The following ZNF469 variants were observed in gnomAD, a reference collection of about 807,000 sequenced individuals.
ZNF469 encodes the protein zinc finger protein 469.
Under a neutral mutation model 1.0 loss-of-function variants are expected in ZNF469, and 1 was observed. That is an observed-to-expected ratio of 1.00 (90% CI 0.35 to 4.73). The LOEUF is 4.73. Among genes scored for constraint, ZNF469 ranks in the 30% most tolerant of loss-of-function variants. ZNF469 has a pLI of 0.16. For missense variants in ZNF469, 6,100 were observed against 5,356.3 expected (o/e 1.14, Z -4.33); for synonymous variants, 2,703 against 2,363.4 (o/e 1.14, Z -4.17).
the ZNF469 span, among the ~76,000 whole-genome samples, chr16:88,334,147 G>A: frequency 3.9e-5 from 6 of 152,076 alleles, no homozygotes; most frequent in Admixed American, 6.5e-5. Context: ...GGAGGCAGGC[G>A]TGAAGCTAAG....
At chr16:88,398,982 A>C (rs1363383857) in intron 1 of ZNF469, among the ~76,000 whole-genome samples, 1 of 152,254 alleles carries the variant, frequency 6.6e-6, no homozygotes, top group African/African-American at 2.4e-5. Context: ...CTCATTTAAC[A>C]GATAAGAAAA....
the ZNF469 span, chr16:88,294,690 A>T: frequency 2.6e-5 from 4 of 152,264 alleles, no homozygotes; most frequent in African/African-American, 9.6e-5. Context: ...GGAAGCGGCT[A>T]AAAGCCTGGG....
chr16:88,205,451 C>G, the ZNF469 span, among the ~76,000 whole-genome samples: 2 of 152,200 alleles, frequency 1.3e-5, no homozygotes, highest in Non-Finnish European at 2.9e-5. This position sits in a 1 kb window ranked among gnomAD's most constrained non-coding sequence, Gnocchi z 4.2. Flanking sequence ...TTTAAGGATT[C>G]TAATCCTGTA....
chr16:88,422,747 AATGGATGGATGGATGG>A (rs56651491), intron 1 of ZNF469, among the ~76,000 whole-genome samples: 1 of 118,914 alleles, frequency 8.4e-6, no homozygotes, highest in Non-Finnish European at 1.7e-5. Context: ...TGGATGAGTG[AATGGATGGATGGATGG>A]ATGGATGGAT....
rs1456151078 is a variant in ZNF469, at chr16:88,404,730, A to T, written c.-191-20077A>T. ...ACCCAGAGGGGTGAGTGTGAGTGGC[A>T]TTATGAGGAGAAAGGTAGCTAGGGA... On this transcript the variant is annotated intron_variant, in intron 1 of 2. Coordinates refer to ENST00000565624, the MANE Select transcript of ZNF469 (RefSeq NM_001367624.2). Among the ~76,000 whole-genome samples, 3 of 152,082 alleles carry T rather than the reference A, an allele frequency of 2.0e-5. No individual in the cohort carries two copies. In the East Asian group the frequency reaches 5.8e-4, roughly 29 times the overall value.
At chr16:88,316,577 C>T in the ZNF469 span, among the ~76,000 whole-genome samples, 3 of 109,454 alleles carry the variant, frequency 2.7e-5, no homozygotes, top group Admixed American at 1.2e-4. Flanking sequence ...GACAGAGTCT[C>T]GTTCTGTCGC....
chr16:88,327,773 G>T, the ZNF469 span, among the ~76,000 whole-genome samples: 1 of 152,214 alleles, frequency 6.6e-6, no homozygotes, highest in Non-Finnish European at 1.5e-5. Context: ...GGTGTCATCC[G>T]GAAGGAGCTG....
intron 1 of ZNF469, among the ~76,000 whole-genome samples, chr16:88,421,560 T>C (rs1356635159): frequency 6.6e-6 from 1 of 151,902 alleles, no homozygotes; most frequent in African/African-American, 2.4e-5. Flanking sequence ...GGCCCTCGAG[T>C]GCCCTGGGGT....
the ZNF469 span, among the ~76,000 whole-genome samples, chr16:88,229,096 A>G: frequency 6.6e-6 from 1 of 152,264 alleles, no homozygotes; most frequent in Admixed American, 6.5e-5. Flanking sequence ...TTCAAACATG[A>G]GAATTTATTT....
At chr16:88,150,644 G>A in the ZNF469 span, among the ~76,000 whole-genome samples, 1 of 151,866 alleles carries the variant, frequency 6.6e-6, no homozygotes, top group Non-Finnish European at 1.5e-5. Flanking sequence ...TTGGACCCAC[G>A]GTGAAAATCC....
the ZNF469 span, among the ~76,000 whole-genome samples, chr16:88,176,684 T>C: frequency 2.0e-5 from 3 of 152,176 alleles, no homozygotes; most frequent in East Asian, 1.9e-4. Context: ...TGTTTGTCCT[T>C]GGCAGGTTGC....
the ZNF469 span, among the ~76,000 whole-genome samples, chr16:88,274,839 T>A: frequency 3.3e-5 from 5 of 152,370 alleles, no homozygotes; most frequent in South Asian, 1.0e-3. Context: ...AACCTTCTCA[T>A]GGACCTGACA....
chr16:88,148,776 C>T, the ZNF469 span, among the ~76,000 whole-genome samples: 2 of 152,162 alleles, frequency 1.3e-5, no homozygotes, highest in African/African-American at 4.8e-5. Flanking sequence ...TGGGAGGCGT[C>T]GTGCTGGGGC....
the ZNF469 span, among the ~76,000 whole-genome samples, chr16:88,269,028 A>G: frequency 6.6e-6 from 1 of 152,098 alleles, no homozygotes; most frequent in Non-Finnish European, 1.5e-5. Flanking sequence ...TTGACCTAGG[A>G]GGGTCTGGGC....
the ZNF469 span, among the ~76,000 whole-genome samples, chr16:88,190,668 T>G: frequency 1.3e-5 from 2 of 152,202 alleles, no homozygotes; most frequent in Non-Finnish European, 2.9e-5. Flanking sequence ...CTGTTGCATT[T>G]GGTAGGCTGA....
At position 88,383,443 on chromosome 16, in the gene ZNF469, T is replaced by G. The variant is rs866463103; in HGVS notation, c.-192+189T>G. Among the ~76,000 whole-genome samples, 1,180 of 147,600 alleles carry G rather than the reference T, an allele frequency of 8.0e-3. 18 individuals carry two copies. Among genetic ancestry groups the G allele is most frequent in the African/African-American group, 0.027 (1,100 of 40,644 alleles). On this transcript the variant is annotated intron_variant, in intron 1 of 2. Coordinates refer to ENST00000565624, the MANE Select transcript of ZNF469 (RefSeq NM_001367624.2). ...GGCGCCCGGCCCGGCTCCCCCGACC[T>G]CCTCCTCCCGGGCCCGGACGTGCGG...
the ZNF469 span, among the ~76,000 whole-genome samples, chr16:88,105,883 A>G: frequency 1.3e-5 from 2 of 152,250 alleles, no homozygotes; most frequent in African/African-American, 4.8e-5. Context: ...GGCCACACCC[A>G]GGAAGCAAGC....
the ZNF469 span, among the ~76,000 whole-genome samples, chr16:88,219,329 G>A: frequency 4.6e-4 from 66 of 142,404 alleles, 3 homozygotes; most frequent in African/African-American, 1.7e-3. Flanking sequence ...TAAGCCAAAA[G>A]AACAAAGCTG....
chr16:88,176,786 G>C, the ZNF469 span, among the ~76,000 whole-genome samples: 1 of 152,260 alleles, frequency 6.6e-6, no homozygotes, highest in Non-Finnish European at 1.5e-5. Context: ...GCAGCTTCTG[G>C]CTCACTCATC....
Sources: allele counts gnomAD v4.1 joint callset (sites outside exome capture counted in the v4.1 genomes callset), GRCh38; gene constraint gnomAD v4.1.1; non-coding constraint Gnocchi (gnomAD v3.1); transcripts MANE v1.5; gene names NCBI Gene and HGNC (gene_info 2026-07-23, HGNC 2026-07-21).